The following UNC13C variants were observed in gnomAD, a reference collection of about 807,000 sequenced individuals.
UNC13C encodes the protein unc-13 homolog C, also known as protein unc-13 homolog C.
Under a neutral mutation model 245.4 loss-of-function variants are expected in UNC13C, and 174 were observed. The ratio of observed to expected loss-of-function variants is 0.71; its 90% CI spans 0.63 to 0.80. The LOEUF is 0.80. Ranked by LOEUF, UNC13C falls within the 30% of genes least tolerant of loss-of-function variation. UNC13C has a pLI of 0.00. For missense variants in UNC13C, 2,829 were observed against 2,602.9 expected (o/e 1.09, Z -1.89); for synonymous variants, 992 against 895.1 (o/e 1.11, Z -1.93).
At chr15:54,353,444 TAAAAC>T (rs1057467520) in intron 17 of UNC13C, among the ~76,000 whole-genome samples, 3 of 152,130 alleles carry the variant, frequency 2.0e-5, no homozygotes, top group African/African-American at 7.2e-5. Context: ...AATCAATCAA[TAAAAC>T]AAAACAAAAC....
At chr15:54,591,053 G>A (rs1398600748) in intron 30 of UNC13C, among the ~76,000 whole-genome samples, 3 of 152,148 alleles carry the variant, frequency 2.0e-5, no homozygotes, top group Non-Finnish European at 1.5e-5. Context: ...AGATGATCAT[G>A]TGATTTGTGT....
At chr15:54,330,929 T>G (rs957070115) in intron 14 of UNC13C, among the ~76,000 whole-genome samples, 1 of 152,084 alleles carries the variant, frequency 6.6e-6, no homozygotes, top group Non-Finnish European at 1.5e-5. Flanking sequence ...AACACAGAGA[T>G]GATACTCAAA....
chr15:54,303,672 G>T (rs1310478766), intron 13 of UNC13C, among the ~76,000 whole-genome samples: 1 of 149,462 alleles, frequency 6.7e-6, no homozygotes, highest in Non-Finnish European at 1.5e-5. Flanking sequence ...TTTTGCCAAG[G>T]TTGAGGACAC....
intron 11 of UNC13C, among the ~76,000 whole-genome samples, chr15:54,297,521 TA>T (rs59007114): frequency 0.14 from 20,434 of 146,264 alleles, 1,579 homozygotes; most frequent in African/African-American, 0.2. Context: ...CCTGCCTAAT[TA>T]AAAAAAAAAA....
chr15:54,197,655 C>T (rs1238052019), intron 4 of UNC13C, among the ~76,000 whole-genome samples: 1 of 151,954 alleles, frequency 6.6e-6, no homozygotes, highest in Non-Finnish European at 1.5e-5. Context: ...GTAAAAGGAA[C>T]CTTTAAAAAT....
chr15:53,941,552 A>C, the UNC13C span, among the ~76,000 whole-genome samples: 1 of 152,144 alleles, frequency 6.6e-6, no homozygotes, highest in East Asian at 1.9e-4. Flanking sequence ...CATCTGACAA[A>C]GGTCTAATAT....
At chr15:54,060,421 C>T (rs1222014382) in intron 2 of UNC13C, among the ~76,000 whole-genome samples, 1 of 151,988 alleles carries the variant, frequency 6.6e-6, no homozygotes, top group South Asian at 2.1e-4. Flanking sequence ...CAATGAGATA[C>T]CATCTCACAC....
In UNC13C at chr15:54,628,028, A is replaced by G. The variant is rs1276218409; in HGVS notation, c.*915A>G. ...AATGATTAGTATTGAATGCAGCATT[A>G]CTATATATTGTACTGATGCCAAAAG... On this transcript the variant is annotated 3_prime_UTR_variant, in exon 33 of 33. Coordinates refer to ENST00000260323, the MANE Select transcript of UNC13C (RefSeq NM_001080534.3). The G allele has an allele frequency of 3.3e-5, 5 of 152,306 alleles. No individual in the cohort carries two copies. The highest frequency in any genetic ancestry group is 2.1e-4 in the South Asian group (1 of 4,824). 9.4% of individuals were successfully genotyped at this position (152,306 alleles called of 1,614,324 possible).
chr15:53,841,861 G>T, the UNC13C span, among the ~76,000 whole-genome samples: 2 of 152,084 alleles, frequency 1.3e-5, no homozygotes, highest in Non-Finnish European at 2.9e-5. Flanking sequence ...CTGTTGCCAT[G>T]GTGATGTTAT....
In UNC13C at chr15:54,143,701, C is replaced by T; in HGVS notation, c.3071+17C>T. On this transcript the variant is annotated intron_variant, in intron 4 of 32. Coordinates refer to ENST00000260323, the MANE Select transcript of UNC13C (RefSeq NM_001080534.3). ...GTGTGGTGGGTAAGTACCTTCATAC[C>T]TTTCTAATTTATTCCATTCATAGAT... 4 of 1,606,112 alleles carry T rather than the reference C, an allele frequency of 2.5e-6. No homozygotes were observed. Among genetic ancestry groups the T allele is most frequent in the African/African-American group, 1.3e-5 (1 of 74,886 alleles).
At chr15:53,939,570 T>C in the UNC13C span, among the ~76,000 whole-genome samples, 3 of 152,130 alleles carry the variant, frequency 2.0e-5, no homozygotes, top group African/African-American at 7.2e-5. Context: ...CTGACAAACA[T>C]TGATGCAAAA....
At chr15:53,915,884 T>C in the UNC13C span, among the ~76,000 whole-genome samples, 14 of 152,320 alleles carry the variant, frequency 9.2e-5, no homozygotes, top group South Asian at 2.1e-4. Flanking sequence ...TTAAGGTACA[T>C]ATAGATGCAT....
At chr15:53,958,507 AGAT>A in the UNC13C span, among the ~76,000 whole-genome samples, 1 of 152,168 alleles carries the variant, frequency 6.6e-6, no homozygotes, top group Admixed American at 6.5e-5. Context: ...GGCTGAATAC[AGAT>A]GCTTCAGCTT....
At chr15:54,544,523 G>T (rs1376994103) in intron 26 of UNC13C, among the ~76,000 whole-genome samples, 3 of 152,176 alleles carry the variant, frequency 2.0e-5, no homozygotes, top group African/African-American at 4.8e-5. Context: ...GTTTGCAGAT[G>T]ACATGATTGT....
At chr15:54,615,144 A>T (rs531383147) in intron 30 of UNC13C, among the ~76,000 whole-genome samples, 1 of 152,004 alleles carries the variant, frequency 6.6e-6, no homozygotes, top group Non-Finnish European at 1.5e-5. Flanking sequence ...ACAGGCATGC[A>T]ATGTGAAATA....
At chr15:54,099,536 C>T (rs1027371473) in intron 2 of UNC13C, among the ~76,000 whole-genome samples, 12 of 152,068 alleles carry the variant, frequency 7.9e-5, no homozygotes, top group African/African-American at 2.4e-4. Context: ...TTCCTCCTCA[C>T]CATTCATGTT....
chr15:54,588,854 T>C (rs1898622518), intron 30 of UNC13C, among the ~76,000 whole-genome samples: 1 of 152,230 alleles, frequency 6.6e-6, no homozygotes, highest in Non-Finnish European at 1.5e-5. Flanking sequence ...CCATTGTATA[T>C]ATATACGAGT....
intron 17 of UNC13C, among the ~76,000 whole-genome samples, chr15:54,382,570 C>G (rs1371926548): frequency 6.6e-6 from 1 of 151,642 alleles, no homozygotes; most frequent in South Asian, 2.1e-4. Context: ...GAGTGAGACC[C>G]TATCCCAAAA....
At chr15:54,034,861 G>A (rs1896507547) in intron 2 of UNC13C, among the ~76,000 whole-genome samples, 1 of 152,128 alleles carries the variant, frequency 6.6e-6, no homozygotes, top group African/African-American at 2.4e-5. Flanking sequence ...TTTTAAACCT[G>A]GGAGACTACT....
Sources: gnomAD v4.1 joint callset for allele counts (sites outside exome capture counted in the v4.1 genomes callset) on GRCh38, gnomAD v4.1.1 for gene constraint, MANE v1.5 for transcripts, NCBI Gene and HGNC (gene_info 2026-07-23, HGNC 2026-07-21) for gene names.